TMEM272: variants seen among roughly 807,000 people sequenced by gnomAD.
TMEM272 encodes transmembrane protein 272.
Under a neutral mutation model 3.7 loss-of-function variants are expected in TMEM272, and 8 were observed. The ratio of observed to expected loss-of-function variants is 2.17; its 90% CI spans 1.27 to 3.91. The LOEUF (loss-of-function observed/expected upper bound fraction) is 3.91. TMEM272 is among the 30% of genes most tolerant of loss of function. The pLI is 0.00. For synonymous variants in TMEM272, 63 were observed against 39.8 expected (o/e 1.58, Z -2.20); for missense variants, 166 against 91.5 (o/e 1.81, Z -3.32).
chr13:51,880,000 T>C, the TMEM272 span, among the ~76,000 whole-genome samples: 1 of 152,184 alleles, frequency 6.6e-6, no homozygotes, highest in Non-Finnish European at 1.5e-5. Context: ...ATGCTCCAAA[T>C]ATTCTCTTGT....
At chr13:51,885,452 A>C in the TMEM272 span, among the ~76,000 whole-genome samples, 2 of 152,194 alleles carry the variant, frequency 1.3e-5, no homozygotes, top group Non-Finnish European at 2.9e-5. Context: ...AAAAGCCACC[A>C]GATCTTGTGA....
chr13:51,875,528 C>T, the TMEM272 span, among the ~76,000 whole-genome samples: 1 of 152,194 alleles, frequency 6.6e-6, no homozygotes, highest in African/African-American at 2.4e-5. Context: ...CTTTACCACA[C>T]ATGACACATG....
the TMEM272 span, among the ~76,000 whole-genome samples, chr13:51,894,260 CA>C: frequency 6.6e-6 from 1 of 152,192 alleles, no homozygotes; most frequent in Middle Eastern, 3.2e-3. Context: ...AAAGCAAAGG[CA>C]TGAGTGCTCT....
the TMEM272 span, among the ~76,000 whole-genome samples, chr13:51,867,222 G>A: frequency 4.0e-4 from 61 of 152,244 alleles, 1 homozygote; most frequent in East Asian, 0.011. Flanking sequence ...CTTCACCACA[G>A]CTCTGTGGGC....
the TMEM272 span, among the ~76,000 whole-genome samples, chr13:51,892,388 T>A: frequency 1.3e-5 from 2 of 152,284 alleles, no homozygotes; most frequent in African/African-American, 4.8e-5. Flanking sequence ...TGCAGACTTG[T>A]GTGGCAGAAA....
At chr13:51,884,571 C>T in the TMEM272 span, among the ~76,000 whole-genome samples, 1 of 152,206 alleles carries the variant, frequency 6.6e-6, no homozygotes, top group Non-Finnish European at 1.5e-5. Context: ...TTGTGTTTGA[C>T]TCCTGACCCC....
At chr13:51,858,639 A>G in the TMEM272 span, among the ~76,000 whole-genome samples, 1 of 152,238 alleles carries the variant, frequency 6.6e-6, no homozygotes, top group Admixed American at 6.5e-5. Context: ...TCCTTAGCTC[A>G]GCTAAAAACC....
At chr13:51,858,874 G>T in the TMEM272 span, among the ~76,000 whole-genome samples, 1 of 152,094 alleles carries the variant, frequency 6.6e-6, no homozygotes, top group African/African-American at 2.4e-5. Context: ...AACTTCTCGA[G>T]GTCCCGCCCC....
At chr13:51,931,989 G>A in the TMEM272 span, among the ~76,000 whole-genome samples, 43 of 152,270 alleles carry the variant, frequency 2.8e-4, 1 homozygote, top group Admixed American at 7.2e-4. Flanking sequence ...TCTAAAGTAC[G>A]TAGTCTGTGT....
chr13:51,851,462 T>TC, the TMEM272 span, among the ~76,000 whole-genome samples: 22 of 149,360 alleles, frequency 1.5e-4, no homozygotes, highest in East Asian at 7.8e-4. Flanking sequence ...TTTTTTTTTT[T>TC]CACTTAATAA....
chr13:51,818,746 T>C (rs555757235), intron 4 of TMEM272, among the ~76,000 whole-genome samples: 18 of 152,352 alleles, frequency 1.2e-4, no homozygotes, highest in Non-Finnish European at 2.2e-4. Flanking sequence ...TTTTCCAAAA[T>C]GGAGAGTTAT....
intron 4 of TMEM272, among the ~76,000 whole-genome samples, chr13:51,818,373 G>C (rs989432517): frequency 6.6e-6 from 1 of 152,204 alleles, no homozygotes; most frequent in Non-Finnish European, 1.5e-5. Context: ...ATTTGGACTT[G>C]TTCCATTTAA....
At chr13:51,847,619 C>T (rs558319363), upstream of TMEM272, among the ~76,000 whole-genome samples, 16 of 152,262 alleles carry the variant, frequency 1.1e-4, 1 homozygote, top group South Asian at 1.9e-3. Flanking sequence ...TGATACATGA[C>T]GGTACTTGAA....
the TMEM272 span, among the ~76,000 whole-genome samples, chr13:51,854,421 T>A: frequency 6.6e-6 from 1 of 152,236 alleles, no homozygotes; most frequent in African/African-American, 2.4e-5. Flanking sequence ...CTTCACTTCC[T>A]TCATCTTCAT....
chr13:51,927,234 C>T, the TMEM272 span, among the ~76,000 whole-genome samples: 17 of 152,164 alleles, frequency 1.1e-4, no homozygotes, highest in South Asian at 2.7e-3. Context: ...AATAAATAGA[C>T]GATCCCCTCA....
chr13:51,824,795 A>G (rs934721386), intron 3 of TMEM272, among the ~76,000 whole-genome samples: 1 of 152,202 alleles, frequency 6.6e-6, no homozygotes, highest in Admixed American at 6.5e-5. Flanking sequence ...TCTACTAAAA[A>G]TATATAAATT....
chr13:51,906,624 C>G, the TMEM272 span, among the ~76,000 whole-genome samples: 1 of 152,164 alleles, frequency 6.6e-6, no homozygotes, highest in African/African-American at 2.4e-5. Context: ...ATTTTAACTC[C>G]TGATAAGAAA....
At chr13:51,910,657 C>A in the TMEM272 span, 1 of 490,264 alleles carries the variant, frequency 2.0e-6, no homozygotes, top group South Asian at 1.9e-5. Flanking sequence ...CCAAAGTAAC[C>A]ATGGCCTGTC....
In TMEM272 at chr13:51,817,096, G is replaced by C. The variant is rs777972855; in HGVS notation, c.219C>G (p.Tyr73Ter). 5.7e-6 allele frequency: 4 copies of C among 702,372 alleles called. No homozygotes were observed. The highest frequency in any genetic ancestry group is 1.0e-5 in the Non-Finnish European group (4 of 384,654). 43.5% of individuals were successfully genotyped at this position (702,372 alleles called of 1,614,324 possible). ...GCAGCCGCCTCATCCTGGTGGAGTC[G>C]TACAACAGGAGAGACACCTGGGGCG... Reference protein sequence around the residue: ...VGTLKVSLLLYDSTRMRRLLS... With the variant: ...VGTLKVSLLL Residue 73 changes from tyrosine (Y) to a stop codon, truncating the protein, a stop_gained, in exon 5 of 5, where the codon TAC becomes TAG. Coordinates refer to ENST00000629372, the MANE Select transcript of TMEM272 (RefSeq NM_001351003.2). LOFTEE classifies it low-confidence loss of function (END_TRUNC).
Sources: allele counts gnomAD v4.1 joint callset (sites outside exome capture counted in the v4.1 genomes callset), GRCh38; gene constraint gnomAD v4.1.1; transcripts MANE v1.5; gene names NCBI Gene and HGNC (gene_info 2026-07-23, HGNC 2026-07-21).